Variants in PLEKHG2 observed in about 807,000 individuals in gnomAD.
PLEKHG2 encodes the protein pleckstrin homology and RhoGEF domain containing G2, also known as pleckstrin homology domain-containing family G member 2.
A neutral mutation model predicts 104.4 loss-of-function variants in PLEKHG2; 71 were observed. The ratio of observed to expected loss-of-function variants is 0.68; its 90% CI spans 0.56 to 0.83. The LOEUF is 0.83. Among genes scored for constraint, PLEKHG2 ranks in the 40% least tolerant of loss-of-function variants. PLEKHG2 has a pLI of 0.00. For synonymous variants in PLEKHG2, 728 were observed against 737.0 expected, an observed-to-expected ratio of 0.99 and a Z score of 0.20; for missense variants, 1,730 against 1,809.4, an observed-to-expected ratio of 0.96 and a Z score of 0.80.
chr19:39,421,127 C>G lies in PLEKHG2; in HGVS notation c.1486+14C>G, dbSNP rs368356438. On this transcript the variant is annotated intron_variant, in intron 15 of 18. Coordinates refer to ENST00000425673, the MANE Select transcript of PLEKHG2 (RefSeq NM_022835.3). ...TCCCACAGAACGGTCAGTGACTGCC[C>G]CGGTTCAGCCTGGTCCATCCCTGTC... 39 of 1,613,950 alleles carry G rather than the reference C, an allele frequency of 2.4e-5. No individual in the cohort carries two copies. The highest frequency in any genetic ancestry group is 1.8e-4 in the East Asian group (8 of 44,900).
Position 39,426,693 on chromosome 19 carries a change from A to G in PLEKHG2, c.*1399A>G, listed in dbSNP as rs982010113. ...ACAACAGTACTTCCCTCCTGGGATC[A>G]TTGAAAGATTTAGGGAGCATATCCT... is the stretch of plus-strand genomic sequence containing the variant. On this transcript the variant is annotated 3_prime_UTR_variant, in exon 19 of 19. Transcript: ENST00000425673. The G allele has an allele frequency of 6.6e-6, 1 of 152,198 alleles. No homozygotes were observed. The highest frequency in any genetic ancestry group is 1.5e-5 in the Non-Finnish European group (1 of 68,052). The allele number at this position is 152,198 out of a possible 1,614,324, so 9.4% of individuals were successfully genotyped here.
At chr19:39,421,152 C>G in intron 15 of PLEKHG2, 39 bp downstream of exon 15, 1 of 1,591,776 alleles carries the variant, frequency 6.3e-7, no homozygotes, top group Middle Eastern at 1.7e-4. Context: ...CCATCCCTGT[C>G]TGTCGCCCGG....
Position 39,427,358 on chromosome 19 carries a change from G to T in PLEKHG2, c.*2064G>T, listed in dbSNP as rs1364151869. 1 of 139,486 alleles carries T rather than the reference G, an allele frequency of 7.2e-6. No homozygotes were observed. Among genetic ancestry groups the T allele is most frequent in the Non-Finnish European group, 1.5e-5 (1 of 65,668 alleles). 8.6% of individuals were successfully genotyped at this position (139,486 alleles called of 1,614,324 possible). A position where few individuals can be genotyped will look rare whatever the true frequency, so the allele number is the denominator to read the frequency against. The stretch of plus-strand genomic sequence containing the variant: ...CCGAATTTTTTTTTTTTTTTAGACG[G>T]AGTTTCGCTCTTGTTGCCCAGGCTG... On this transcript the variant is annotated 3_prime_UTR_variant, in exon 19 of 19. Transcript: ENST00000425673.
chr19:39,413,880 C>A lies in PLEKHG2; in HGVS notation c.-22-185C>A. 1 of 478,068 alleles carries A rather than the reference C, an allele frequency of 2.1e-6. No individual in the cohort carries two copies. Among genetic ancestry groups the A allele is most frequent in the Non-Finnish European group, 3.8e-6 (1 of 259,956 alleles). 29.6% of individuals were successfully genotyped at this position (478,068 alleles called of 1,614,324 possible). ...CTCTTCTTTGTCTCAGCCTTTCCAT[C>A]TTTTTCGCCAGGTTCTCTCTCCTTG... On this transcript the variant is annotated intron_variant, in intron 1 of 18. Transcript: ENST00000425673. The surrounding 1 kb of genome is among the most constrained non-coding windows in gnomAD (Gnocchi z 4.5).
In PLEKHG2 at chr19:39,412,766, C is replaced by G. The variant is rs1231854000; in HGVS notation, c.-669C>G. ...ACCCGGGCGTCCGGAATTTCTGCAC[C>G]GCATCCTGAGAGACCCCGAGGTCCA... is the stretch of plus-strand genomic sequence containing the variant. On this transcript the variant is annotated 5_prime_UTR_variant, in exon 1 of 19. Coordinates refer to ENST00000425673, the MANE Select transcript of PLEKHG2 (RefSeq NM_022835.3). 1 of 152,218 alleles carries G rather than the reference C, an allele frequency of 6.6e-6. No individual in the cohort carries two copies. Among genetic ancestry groups the G allele is most frequent in the Admixed American group, 6.5e-5 (1 of 15,286 alleles). 9.4% of individuals were successfully genotyped at this position (152,218 alleles called of 1,614,324 possible).
rs1470538443 is a variant in PLEKHG2 at position 39,425,021 on chromosome 19, T to C, written c.3888T>C (p.Pro1296=). The change falls in exon 19 of 19, where the codon CCT becomes CCC. Residue 1296 remains proline, a synonymous_variant. Coordinates refer to ENST00000425673, the MANE Select transcript of PLEKHG2 (RefSeq NM_022835.3). ...AGAGCCTGGCTCGGCGGCAGGGGCC[T>C]GGGGGAGGGGCCCCCGCAGCCTCCC... The part of the protein sequence containing the change: ...ISQSLARRQG[P]GGGAPAASRG... 4 of 1,604,442 alleles carry C rather than the reference T, an allele frequency of 2.5e-6. No individual in the cohort carries two copies. The highest frequency in any genetic ancestry group is 3.4e-6 in the Non-Finnish European group (4 of 1,174,998).
chr19:39,424,724 G>T lies in PLEKHG2; in HGVS notation c.3591G>T (p.Ser1197=). ...CACAGGTCCAAAAACTCACACCTTC[G>T]TTGGAGCAGAAGAGCCTCATAGATG... ...TDTQVQKLTP[S]LEQKSLIDAH... The change falls in exon 19 of 19, where the codon TCG becomes TCT. Residue 1197 remains serine, a synonymous_variant. Transcript: ENST00000425673. 2 of 1,614,166 alleles carry T rather than the reference G, an allele frequency of 1.2e-6. No homozygotes were observed. The highest frequency in any genetic ancestry group is 1.3e-5 in the African/African-American group (1 of 75,038).
chr19:39,417,756 T>TGGGGGGGGG, intron 8 of PLEKHG2, 64 bp downstream of exon 8: 1 of 343,346 alleles, frequency 2.9e-6, no homozygotes, highest in South Asian at 3.7e-5. Flanking sequence ...TTGGGGCGGG[T>TGGGGGGGGG]GGGGGGAAAT....
At position 39,422,837 on chromosome 19, in the gene PLEKHG2, G is replaced by T; in HGVS notation, c.1783G>T (p.Glu595Ter). ...ALPSRDSSEE[E>*]EEEEEGLEMD... ...GCCCAGCCGGGACTCTTCAGAAGAGGAGGAGGAGGAAGAGGAAGGGCTGGA... is the reference window on the plus strand; with the variant it reads ...GCCCAGCCGGGACTCTTCAGAAGAGTAGGAGGAGGAAGAGGAAGGGCTGGA... The change falls in exon 18 of 19, where the codon GAG becomes TAG. Residue 595 changes from glutamate (E) to a stop codon, truncating the protein, a stop_gained. Coordinates refer to ENST00000425673, the MANE Select transcript of PLEKHG2 (RefSeq NM_022835.3). LOFTEE classifies it high-confidence loss of function. 6.4e-7 allele frequency: 1 copy of T among 1,564,848 alleles called. No homozygotes were observed.
Position 39,416,271 on chromosome 19 carries a change from G to A in PLEKHG2, c.480-77G>A, listed in dbSNP as rs919891997. ...GCCCCCAGCCCCAGCAGACCATTGG[G>A]GCCTCAGCCTCCTGGAGGCCTCCCA... On this transcript the variant is annotated intron_variant, in intron 4 of 18. Coordinates refer to ENST00000425673, the MANE Select transcript of PLEKHG2 (RefSeq NM_022835.3). The surrounding 1 kb of genome is among the most constrained non-coding windows in gnomAD (Gnocchi z 4.5). 18 of 1,439,820 alleles carry A rather than the reference G, an allele frequency of 1.3e-5. No individual in the cohort carries two copies. Among genetic ancestry groups the A allele is most frequent in the Non-Finnish European group, 1.7e-5 (17 of 1,028,462 alleles). 89.2% of individuals were successfully genotyped at this position (1,439,820 alleles called of 1,614,324 possible).
rs2078650131 is a variant in PLEKHG2, at chr19:39,418,763, C to T, written c.1113C>T (p.Pro371=). The T allele has an allele frequency of 1.2e-6, 2 of 1,613,214 alleles. No homozygotes were observed. The highest frequency in any genetic ancestry group is 8.5e-7 in the Non-Finnish European group (1 of 1,179,390). Residue 371 remains proline (P), a synonymous_variant, in exon 10 of 19, where the codon CCC becomes CCT. Transcript: ENST00000425673. ...GCAACCTGAGCGTGAGCGAGAGTCC[C>T]CGAGACCCTCTAGGGTTCAAGGTGT... ...FCCNLSVSES[P]RDPLGFKVSD... is the part of the protein sequence containing the mutation.
At position 39,424,744 on chromosome 19, in the gene PLEKHG2, T is replaced by C. The variant is rs1466650553; in HGVS notation, c.3611T>C (p.Ile1204Thr). The change falls in exon 19 of 19, where the codon ATA becomes ACA. Residue 1204 changes from isoleucine (I) to threonine (T), a missense_variant. Physicochemically the swap from Ile to Thr is moderately conservative, Grantham distance 89 (BLOSUM62 -1). Coordinates refer to ENST00000425673, the MANE Select transcript of PLEKHG2 (RefSeq NM_022835.3). The part of the protein sequence containing the change: ...LTPSLEQKSL[I>T]DAHVPAATPL... ...CCTTCGTTGGAGCAGAAGAGCCTCATAGATGCCCATGTTCCAGCTGCCACA... is the reference window on the plus strand; with the variant it reads ...CCTTCGTTGGAGCAGAAGAGCCTCACAGATGCCCATGTTCCAGCTGCCACA... 1.9e-6 allele frequency: 3 copies of C among 1,614,184 alleles called. No individual in the cohort carries two copies. Among genetic ancestry groups the C allele is most frequent in the South Asian group, 1.1e-5 (1 of 91,084 alleles).
chr19:39,416,955 G>A lies in PLEKHG2; in HGVS notation c.699G>A (p.Leu233=). 2 of 1,613,398 alleles carry A rather than the reference G, an allele frequency of 1.2e-6. No individual in the cohort carries two copies. The highest frequency in any genetic ancestry group is 1.7e-6 in the Non-Finnish European group (2 of 1,179,926). ...LRHSLPLQSF[L]LKPVQRILKY... ...ACTCGCTGCCCCTGCAGAGCTTCCT[G>A]CTGAAACCTGTCCAGCGCATTCTCA... The change falls in exon 7 of 19, where the codon CTG becomes CTA. Residue 233 remains leucine, a synonymous_variant. Coordinates refer to ENST00000425673, the MANE Select transcript of PLEKHG2 (RefSeq NM_022835.3). This position sits in a 1 kb window ranked among gnomAD's most constrained non-coding sequence, Gnocchi z 4.5.
chr19:39,413,779 A>C lies in PLEKHG2; in HGVS notation c.-22-286A>C. ...TCGCCCTCCGCTCCAGCTGGAGCCC[A>C]AACGTTCCCAGGATCCCTAAGCCTC... On this transcript the variant is annotated intron_variant, in intron 1 of 18. Coordinates refer to ENST00000425673, the MANE Select transcript of PLEKHG2 (RefSeq NM_022835.3). The surrounding 1 kb of genome is among the most constrained non-coding windows in gnomAD (Gnocchi z 4.5). 5.1e-6 allele frequency: 1 copy of C among 196,804 alleles called. No individual in the cohort carries two copies. 12.2% of individuals were successfully genotyped at this position (196,804 alleles called of 1,614,324 possible).
chr19:39,424,660 C>G lies in PLEKHG2; in HGVS notation c.3527C>G (p.Ala1176Gly). ...AGCCTCCCAGACATCCAGGGTCCAG[C>G]GGCTGCACCTCCACTTCCGGAGCCA... Reference protein sequence around the residue: ...QGSLPDIQGPAAAPPLPEPSL... With the variant: ...QGSLPDIQGPGAAPPLPEPSL... The change falls in exon 19 of 19, where the codon GCG (alanine) becomes GGG (glycine). Residue 1176 changes from alanine to glycine, a missense_variant. Physicochemically the swap from Ala to Gly is moderately conservative, Grantham distance 60. Coordinates refer to ENST00000425673, the MANE Select transcript of PLEKHG2 (RefSeq NM_022835.3). 6.2e-7 allele frequency: 1 copy of G among 1,614,162 alleles called. No homozygotes were observed. Among genetic ancestry groups the G allele is most frequent in the Non-Finnish European group, 8.5e-7 (1 of 1,180,038 alleles).
In PLEKHG2 at chr19:39,424,691, T is replaced by C; in HGVS notation, c.3558T>C (p.Leu1186=). The C allele has an allele frequency of 6.2e-7, 1 of 1,614,088 alleles. No individual in the cohort carries two copies. Among genetic ancestry groups the C allele is most frequent in the Non-Finnish European group, 8.5e-7 (1 of 1,180,012 alleles). The change falls in exon 19 of 19, where the codon CTT becomes CTC. Residue 1186 remains leucine, a synonymous_variant. Transcript: ENST00000425673. Reference sequence around the variant, plus strand: ...CACCTCCACTTCCGGAGCCAAGCCTTACAGATACACAGGTCCAAAAACTCA... The same window carrying C: ...CACCTCCACTTCCGGAGCCAAGCCTCACAGATACACAGGTCCAAAAACTCA... ...AAAPPLPEPS[L]TDTQVQKLTP...
Position 39,425,095 on chromosome 19 carries a change from C to T in PLEKHG2, c.3962C>T (p.Pro1321Leu), listed in dbSNP as rs745894532. Residue 1321 changes from proline (P) to leucine (L), a missense_variant, in exon 19 of 19, where the codon CCC becomes CTC. Pro to Leu is a moderately conservative substitution (Grantham distance 98). Transcript: ENST00000425673. ...ACGTCACGGGCATCTTCGCCGCCCCCCCAGCCCCAGCCACCACCTCCCCCA... is the reference window on the plus strand; with the variant it reads ...ACGTCACGGGCATCTTCGCCGCCCCTCCAGCCCCAGCCACCACCTCCCCCA... The part of the protein sequence containing the change: ...APTSRASSPP[P>L]QPQPPPPPAR... 37 of 1,588,534 alleles carry T rather than the reference C, an allele frequency of 2.3e-5. No individual in the cohort carries two copies. The highest frequency in any genetic ancestry group is 6.7e-5 in the East Asian group (3 of 44,560).
At position 39,420,637 on chromosome 19, in the gene PLEKHG2, T is replaced by A; in HGVS notation, c.1275T>A (p.Val425=). The part of the protein sequence containing the change: ...PASIPAKAKQ[V]LLENSLHCAP... ...CTCCTGTCTTTCAGGCAAAGCAAGT[T>A]CTCCTTGAAAACAGCCTGCATTGTG... The change falls in exon 12 of 19, where the codon GTT becomes GTA. Residue 425 remains valine (V), a synonymous_variant. Coordinates refer to ENST00000425673, the MANE Select transcript of PLEKHG2 (RefSeq NM_022835.3). 6.2e-7 allele frequency: 1 copy of A among 1,614,012 alleles called. No homozygotes were observed. Among genetic ancestry groups the A allele is most frequent in the Non-Finnish European group, 8.5e-7 (1 of 1,179,994 alleles).
chr19:39,424,178 C>A lies in PLEKHG2; in HGVS notation c.3045C>A (p.His1015Gln), dbSNP rs760172948. Residue 1015 changes from histidine (H) to glutamine (Q), a missense_variant, in exon 19 of 19, where the codon CAC (histidine) becomes CAA (glutamine). Transcript: ENST00000425673. Reference protein sequence around the residue: ...CPEQGHCADIHVPTTPALPKE... With the variant: ...CPEQGHCADIQVPTTPALPKE... Reference sequence around the variant, plus strand: ...AGCAGGGACACTGTGCGGACATCCACGTTCCCACCACTCCAGCTTTGCCCA... The same window carrying A: ...AGCAGGGACACTGTGCGGACATCCAAGTTCCCACCACTCCAGCTTTGCCCA... 1 of 1,614,154 alleles carries A rather than the reference C, an allele frequency of 6.2e-7. No individual in the cohort carries two copies. The highest frequency in any genetic ancestry group is 8.5e-7 in the Non-Finnish European group (1 of 1,180,034).
Sources: allele counts gnomAD v4.1 joint callset, GRCh38; gene constraint gnomAD v4.1.1; non-coding constraint Gnocchi (gnomAD v3.1); transcripts MANE v1.5; gene names NCBI Gene and HGNC (gene_info 2026-07-23, HGNC 2026-07-21).